FMN1: variants seen among roughly 807,000 people sequenced by gnomAD.
FMN1 encodes the protein formin 1.
FMN1 carries 110 observed loss-of-function variants against 132.4 expected under a neutral mutation model. The ratio of observed to expected loss-of-function variants is 0.83; its 90% CI spans 0.71 to 0.97. The LOEUF (loss-of-function observed/expected upper bound fraction) is 0.97, where lower values mean the gene tolerates loss of function less well. FMN1 is among the 50% of genes least tolerant of loss of function. The probability of loss-of-function intolerance (pLI) is 0.00; values close to 1 mark genes in which losing one functional copy is unlikely to be tolerated. For synonymous variants in FMN1, 722 were observed against 651.7 expected (o/e 1.11, Z -1.64); for missense variants, 1,792 against 1,705.3 (o/e 1.05, Z -0.90).
intron 4 of FMN1, among the ~76,000 whole-genome samples, chr15:33,136,660 C>T (rs1963780305): frequency 6.6e-6 from 1 of 152,090 alleles, no homozygotes. Flanking sequence ...GTCAATATAA[C>T]CCTAAAAACA....
intron 6 of FMN1, among the ~76,000 whole-genome samples, chr15:33,017,223 T>A (rs1270123902): frequency 2.0e-5 from 3 of 152,160 alleles, no homozygotes; most frequent in South Asian, 4.1e-4. Flanking sequence ...GTGCAACTAC[T>A]CTGTATGCTA....
rs1275164147 is a variant in FMN1 at position 32,968,674 on chromosome 15, A to G, written c.2987+40T>C. On this transcript the variant is annotated intron_variant, in intron 8 of 20. Coordinates refer to ENST00000616417, the MANE Select transcript of FMN1 (RefSeq NM_001277313.2). The stretch of plus-strand genomic sequence containing the variant: ...TAAAATATCACTTGGGCCAAATCCT[A>G]GGAATTCACATGCTGAGAATGGGAT... The G allele has an allele frequency of 1.9e-5, 31 of 1,609,784 alleles. No individual in the cohort carries two copies. In the Admixed American group the frequency reaches 5.2e-4, roughly 27 times the overall value.
intron 16 of FMN1, among the ~76,000 whole-genome samples, chr15:32,857,981 T>C (rs1367214700): frequency 6.6e-6 from 1 of 152,240 alleles, no homozygotes; most frequent in Non-Finnish European, 1.5e-5. Flanking sequence ...TCAAGATCAC[T>C]TTCATCTGTT....
intron 4 of FMN1, among the ~76,000 whole-genome samples, chr15:33,097,573 C>T (rs1427779542): frequency 6.6e-6 from 1 of 152,036 alleles, no homozygotes; most frequent in Admixed American, 6.5e-5. Flanking sequence ...GAACATGCAG[C>T]CCAAAAGACA....
At chr15:33,120,381 C>CCA (rs1334179370) in intron 4 of FMN1, among the ~76,000 whole-genome samples, 1 of 152,138 alleles carries the variant, frequency 6.6e-6, no homozygotes, top group East Asian at 1.9e-4. Flanking sequence ...GATTAGGTTA[C>CCA]CAGTTGTGCC....
chr15:32,855,157 T>TAAAAAAAA (rs750275479), intron 17 of FMN1, among the ~76,000 whole-genome samples: 109 of 85,326 alleles, frequency 1.3e-3, no homozygotes, highest in African/African-American at 2.4e-3. Flanking sequence ...ACGTGGAGAG[T>TAAAAAAAA]AAAAAAAAAA....
chr15:32,777,061 A>G, intron 19 of FMN1, 142 bp from the exon 20 acceptor site: 1 of 587,530 alleles, frequency 1.7e-6, no homozygotes, highest in Admixed American at 3.3e-5. Flanking sequence ...AAATACTGAA[A>G]TGTTTTTTCA....
intron 6 of FMN1, among the ~76,000 whole-genome samples, chr15:33,048,644 A>AACAAAAAAAAAAAAC (rs1555388955): frequency 1.2e-5 from 1 of 86,920 alleles, no homozygotes; most frequent in African/African-American, 4.1e-5. Flanking sequence ...AAAAAAAAAA[A>AACAAAAAAAAAAAAC]AAAAACCAAC....
chr15:32,879,779 C>G (rs986912849), intron 16 of FMN1, among the ~76,000 whole-genome samples: 2 of 152,110 alleles, frequency 1.3e-5, no homozygotes, highest in Admixed American at 1.3e-4. Context: ...AATCTCAGTT[C>G]AGTACTATTT....
chr15:32,829,138 T>A (rs16959223), intron 17 of FMN1, among the ~76,000 whole-genome samples: 31,035 of 152,152 alleles, frequency 0.2, 3,542 homozygotes, highest in East Asian at 0.52. Flanking sequence ...CCAGCCCAAA[T>A]GAAGCAAAAT....
intron 6 of FMN1, among the ~76,000 whole-genome samples, chr15:33,018,186 A>C (rs895477752): frequency 3.9e-5 from 6 of 152,282 alleles, no homozygotes; most frequent in African/African-American, 1.2e-4. Flanking sequence ...GCATGAGATT[A>C]GTGTGTGTGA....
intron 9 of FMN1, among the ~76,000 whole-genome samples, chr15:32,929,590 G>A (rs347954): frequency 0.016 from 2,385 of 152,046 alleles, 60 homozygotes; most frequent in African/African-American, 0.055. Context: ...TTTCCAATTC[G>A]CCGTTGTTCC....
chr15:33,140,193 A>AACACACACACACACACACAC (rs61485667), intron 4 of FMN1, among the ~76,000 whole-genome samples: 5 of 142,966 alleles, frequency 3.5e-5, no homozygotes, highest in African/African-American at 1.3e-4. Flanking sequence ...CCTATGGTTA[A>AACACACACACACACACACAC]ACACACACAC....
chr15:32,788,105 C>T (rs2140926802), intron 19 of FMN1, among the ~76,000 whole-genome samples: 1 of 152,336 alleles, frequency 6.6e-6, no homozygotes, highest in South Asian at 2.1e-4. Context: ...GAACAAAGTC[C>T]TCTTCCGTTT....
intron 7 of FMN1, among the ~76,000 whole-genome samples, chr15:33,002,470 C>A (rs904394228): frequency 6.6e-6 from 1 of 152,120 alleles, no homozygotes; most frequent in African/African-American, 2.4e-5. Context: ...TTTGTCTGTT[C>A]GTTTTACGAA....
intron 9 of FMN1, among the ~76,000 whole-genome samples, chr15:32,949,070 T>TG: frequency 8.6e-6 from 1 of 116,852 alleles, no homozygotes; most frequent in East Asian, 2.2e-4. Flanking sequence ...CTACATCCTA[T>TG]GAGTCTTATC....
chr15:32,914,546 T>C (rs1367892972), intron 10 of FMN1, among the ~76,000 whole-genome samples: 1 of 152,208 alleles, frequency 6.6e-6, no homozygotes, highest in East Asian at 1.9e-4. Context: ...ATACACTTGT[T>C]ATACAGGAGA....
At chr15:32,867,283 A>G (rs2059412533) in intron 16 of FMN1, among the ~76,000 whole-genome samples, 2 of 152,166 alleles carry the variant, frequency 1.3e-5, no homozygotes, top group South Asian at 2.1e-4. Context: ...GTTGTCTTCA[A>G]TCCCTCAAGC....
chr15:32,806,010 A>C (rs1276123671), intron 17 of FMN1, among the ~76,000 whole-genome samples: 1 of 152,216 alleles, frequency 6.6e-6, no homozygotes, highest in Non-Finnish European at 1.5e-5. Flanking sequence ...CTCTACAATC[A>C]GAAGATATAT....
Sources: allele counts gnomAD v4.1 joint callset (sites outside exome capture counted in the v4.1 genomes callset), GRCh38; gene constraint gnomAD v4.1.1; transcripts MANE v1.5; gene names NCBI Gene and HGNC (gene_info 2026-07-23, HGNC 2026-07-21).